NHLRC2: variants seen among roughly 807,000 people sequenced by gnomAD.
NHLRC2 encodes NHL repeat containing 2, also known as NHL repeat-containing protein 2.
In NHLRC2, 33 loss-of-function variants were observed where a neutral mutation model predicts 68.1. The ratio of observed to expected loss-of-function variants is 0.48; its 90% CI spans 0.37 to 0.65. The LOEUF is 0.65. Ranked by LOEUF, NHLRC2 falls within the 30% of genes least tolerant of loss-of-function variation. NHLRC2 has a pLI of 0.00. For synonymous variants in NHLRC2, 311 were observed against 309.6 expected (o/e 1.00, Z -0.05); for missense variants, 761 against 853.8 (o/e 0.89, Z 1.35).
chr10:113,905,069 C>A, intron 10 of NHLRC2, 33 bp downstream of exon 10: 1 of 1,053,850 alleles, frequency 9.5e-7, no homozygotes, highest in Non-Finnish European at 1.4e-6. Flanking sequence ...ACTAATACAT[C>A]ATATATTCTT....
intron 9 of NHLRC2, among the ~76,000 whole-genome samples, chr10:113,904,092 G>GTTTTTTTTTT (rs1282312896): frequency 7.2e-6 from 1 of 139,608 alleles, no homozygotes; most frequent in African/African-American, 2.7e-5. Context: ...TTAGCTTATT[G>GTTTTTTTTTT]TTTTTGTTTT....
chr10:113,880,013 C>A (rs1564853997), intron 4 of NHLRC2, among the ~76,000 whole-genome samples: 1 of 151,938 alleles, frequency 6.6e-6, no homozygotes, highest in East Asian at 1.9e-4. Context: ...TGTCCTTTTT[C>A]AGTTGAATTT....
intron 5 of NHLRC2, among the ~76,000 whole-genome samples, chr10:113,896,993 CAAAA>C (rs1166918337): frequency 1.4e-5 from 1 of 73,318 alleles, no homozygotes; most frequent in East Asian, 4.1e-4. Flanking sequence ...GACTCCGCCT[CAAAA>C]AAAAAAAAAA....
chr10:113,877,858 G>A (rs1845998927), intron 3 of NHLRC2, among the ~76,000 whole-genome samples: 1 of 152,122 alleles, frequency 6.6e-6, no homozygotes, highest in South Asian at 2.1e-4. Context: ...TGTGGTGTTT[G>A]TTTTGTTTTG....
Position 113,876,752 on chromosome 10 carries a change from T to C in NHLRC2, c.563T>C (p.Phe188Ser). The stretch of plus-strand genomic sequence containing the variant: ...GGAGAGGGACACAAAGATAAATTAT[T>C]TTTATATACTTCAATTGCTTTAAAG... ...LIGEGHKDKL[F>S]LYTSIALKYY... Residue 188 changes from phenylalanine to serine, a missense_variant, in exon 3 of 11, where the codon TTT (phenylalanine) becomes TCT (serine). Coordinates refer to ENST00000369301, the MANE Select transcript of NHLRC2 (RefSeq NM_198514.4). The C allele has an allele frequency of 6.2e-7, 1 of 1,611,532 alleles. No individual in the cohort carries two copies. The highest frequency in any genetic ancestry group is 8.5e-7 in the Non-Finnish European group (1 of 1,177,758).
At chr10:113,855,732 C>G (rs1405931505) in intron 1 of NHLRC2, among the ~76,000 whole-genome samples, 8 of 152,196 alleles carry the variant, frequency 5.3e-5, no homozygotes, top group Admixed American at 5.2e-4. Context: ...CTCCTGATTT[C>G]AAGTGATCCT....
chr10:113,883,401 G>T (rs867729873), intron 4 of NHLRC2, among the ~76,000 whole-genome samples: 1 of 151,848 alleles, frequency 6.6e-6, no homozygotes, highest in Non-Finnish European at 1.5e-5. Context: ...AATATTTGCT[G>T]TAGCTTTGAG....
At chr10:113,899,209 C>G (rs2134733388) in intron 6 of NHLRC2, among the ~76,000 whole-genome samples, 1 of 152,248 alleles carries the variant, frequency 6.6e-6, no homozygotes, top group African/African-American at 2.4e-5. Context: ...GGATCCTCTC[C>G]CATTCATTTT....
intron 5 of NHLRC2, among the ~76,000 whole-genome samples, chr10:113,894,736 A>G (rs928839426): frequency 6.6e-6 from 1 of 152,012 alleles, no homozygotes; most frequent in African/African-American, 2.4e-5. Flanking sequence ...GATTAAATAA[A>G]TTGCCTTCTG....
In NHLRC2 at chr10:113,894,084, A is replaced by G. The variant is rs550527600; in HGVS notation, c.1040-4026A>G. Among the ~76,000 whole-genome samples, 3 of 152,288 alleles carry G rather than the reference A, an allele frequency of 2.0e-5. No individual in the cohort carries two copies. The South Asian group carries it at 6.2e-4, about 32-fold the overall frequency. ...GTGGTCAGATTTTGAATATATTTTG[A>G]ATAAGGAGCCTACATAATTTGCTGA... On this transcript the variant is annotated intron_variant, in intron 5 of 10. Coordinates refer to ENST00000369301, the MANE Select transcript of NHLRC2 (RefSeq NM_198514.4).
chr10:113,886,571 A>G (rs1179048650), intron 5 of NHLRC2, among the ~76,000 whole-genome samples: 1 of 152,230 alleles, frequency 6.6e-6, no homozygotes, highest in Non-Finnish European at 1.5e-5. Flanking sequence ...AAACCCAGAA[A>G]TAAACCCAAG....
chr10:113,900,481 T>C (rs1846218012), intron 6 of NHLRC2, among the ~76,000 whole-genome samples: 1 of 152,168 alleles, frequency 6.6e-6, no homozygotes, highest in East Asian at 1.9e-4. Context: ...TCCTTCTTAA[T>C]AGGAAATTGG....
At chr10:113,900,154 A>G (rs1272336223) in intron 6 of NHLRC2, among the ~76,000 whole-genome samples, 2 of 152,154 alleles carry the variant, frequency 1.3e-5, no homozygotes, top group Non-Finnish European at 2.9e-5. Context: ...ATATTCTACA[A>G]GCCTTTTTAG....
chr10:113,877,036 G>A, intron 3 of NHLRC2, 60 bp downstream of exon 3: 1 of 1,000,790 alleles, frequency 1.0e-6, no homozygotes, highest in Non-Finnish European at 1.4e-6. Flanking sequence ...ATAGTTCAAG[G>A]TAAATATAAA....
chr10:113,896,475 A>G (rs894115057), intron 5 of NHLRC2, among the ~76,000 whole-genome samples: 6 of 131,612 alleles, frequency 4.6e-5, no homozygotes, highest in South Asian at 2.5e-4. Context: ...ATGAGAACAC[A>G]TGGACACAGG....
At chr10:113,877,756 A>C (rs572483118) in intron 3 of NHLRC2, among the ~76,000 whole-genome samples, 1 of 152,172 alleles carries the variant, frequency 6.6e-6, no homozygotes, top group Non-Finnish European at 1.5e-5. Flanking sequence ...CATAAAGTAG[A>C]AATGTCTGTG....
At chr10:113,867,937 T>TA (rs112620538) in intron 2 of NHLRC2, among the ~76,000 whole-genome samples, 2,606 of 152,302 alleles carry the variant, frequency 0.017, 36 homozygotes, top group Middle Eastern at 0.044. Context: ...ATATGTATTT[T>TA]AAAAAGTGGT....
chr10:113,855,681 T>C (rs1845745838), intron 1 of NHLRC2, among the ~76,000 whole-genome samples: 1 of 151,762 alleles, frequency 6.6e-6, no homozygotes. Context: ...GTATTTTTAG[T>C]AGAGACGGCG....
chr10:113,860,696 G>A (rs964387041), intron 2 of NHLRC2, among the ~76,000 whole-genome samples: 10 of 152,258 alleles, frequency 6.6e-5, no homozygotes, highest in African/African-American at 2.2e-4. Flanking sequence ...AACAATGTAT[G>A]AAGAAAATGG....
Sources: allele counts gnomAD v4.1 joint callset (sites outside exome capture counted in the v4.1 genomes callset), GRCh38; gene constraint gnomAD v4.1.1; transcripts MANE v1.5; gene names NCBI Gene and HGNC (gene_info 2026-07-23, HGNC 2026-07-21).